Variants in COL19A1 observed in about 807,000 individuals in gnomAD.
The protein encoded by COL19A1 is collagen type XIX alpha 1 chain.
COL19A1 carries 159 observed loss-of-function variants against 190.2 expected under a neutral mutation model. The ratio of observed to expected loss-of-function variants is 0.84; its 90% CI spans 0.73 to 0.95. The LOEUF (loss-of-function observed/expected upper bound fraction) is 0.95, where lower values mean the gene tolerates loss of function less well. Ranked by LOEUF, COL19A1 falls within the 40% of genes least tolerant of loss-of-function variation. The pLI is 0.00. For missense variants in COL19A1, 1,418 were observed against 1,431.9 expected (o/e 0.99, Z 0.16); for synonymous variants, 509 against 458.9 (o/e 1.11, Z -1.39).
At chr6:70,167,817 A>AC (rs1327551107) in intron 37 of COL19A1, among the ~76,000 whole-genome samples, 3 of 152,150 alleles carry the variant, frequency 2.0e-5, no homozygotes, top group African/African-American at 7.2e-5. Context: ...TGTAGCTCAC[A>AC]CTCCCTTTTC....
intron 9 of COL19A1, among the ~76,000 whole-genome samples, chr6:69,952,552 A>C (rs935401372): frequency 2.0e-5 from 3 of 152,110 alleles, no homozygotes; most frequent in African/African-American, 7.2e-5. Flanking sequence ...TAAGAAGTAC[A>C]TCTGATAACA....
intron 43 of COL19A1, 28 bp from the exon 44 acceptor site, chr6:70,180,433 T>G (rs756223173): frequency 6.2e-7 from 1 of 1,614,088 alleles, no homozygotes; most frequent in South Asian, 1.1e-5. Context: ...TGTTGGCAAT[T>G]AATTTGTGTC....
rs982226497 is a variant in COL19A1 at position 70,144,985 on chromosome 6, G to A, written c.1748G>A (p.Gly583Glu). ...PGPKGEAGPP[G>E]KSLPGEPGLD... ...CCAAAAGGTGAGGCTGGTCCTCCAG[G>A]GAAAAGCCTGCCAGGGGAACCAGTA... The change falls in exon 25 of 51, where the codon GGG becomes GAG. Residue 583 changes from glycine (G) to glutamate (E), a missense_variant. Physicochemically the swap from Gly to Glu is moderately conservative, Grantham distance 98. Transcript: ENST00000620364. The A allele has an allele frequency of 1.9e-6, 3 of 1,591,738 alleles. No homozygotes were observed. Among genetic ancestry groups the A allele is most frequent in the Admixed American group, 3.5e-5 (2 of 57,962 alleles).
intron 4 of COL19A1, among the ~76,000 whole-genome samples, chr6:69,913,626 G>A (rs190687044): frequency 6.6e-6 from 1 of 152,274 alleles, no homozygotes; most frequent in East Asian, 1.9e-4. Flanking sequence ...GAGGAATAGT[G>A]AGAAATCCCA....
At chr6:69,975,233 C>T (rs2150059151) in intron 11 of COL19A1, among the ~76,000 whole-genome samples, 1 of 152,248 alleles carries the variant, frequency 6.6e-6, no homozygotes, top group Middle Eastern at 3.4e-3. Context: ...CTAATGGATC[C>T]CTTGTCTTCC....
intron 12 of COL19A1, among the ~76,000 whole-genome samples, chr6:70,033,714 A>G (rs1779195643): frequency 6.6e-6 from 1 of 152,198 alleles, no homozygotes; most frequent in South Asian, 2.1e-4. Context: ...GGAATTAGAG[A>G]ACTAAAATAT....
At chr6:70,033,251 G>A (rs79932594) in intron 12 of COL19A1, among the ~76,000 whole-genome samples, 2,068 of 152,144 alleles carry the variant, frequency 0.014, 55 homozygotes, top group African/African-American at 0.047. Context: ...CATCACTGGT[G>A]TCTATGTTGA....
intron 14 of COL19A1, among the ~76,000 whole-genome samples, chr6:70,054,781 A>G (rs774268206): frequency 2.6e-5 from 4 of 152,198 alleles, no homozygotes; most frequent in Non-Finnish European, 4.4e-5. Flanking sequence ...GACAATGTAA[A>G]TATCAGATGG....
intron 14 of COL19A1, among the ~76,000 whole-genome samples, chr6:70,052,607 CTA>C (rs1780268618): frequency 6.6e-6 from 1 of 152,068 alleles, no homozygotes; most frequent in Non-Finnish European, 1.5e-5. Flanking sequence ...GAATGCTGTC[CTA>C]TTTCACAGCC....
At chr6:69,966,277 A>G (rs927100312) in intron 11 of COL19A1, among the ~76,000 whole-genome samples, 1 of 152,148 alleles carries the variant, frequency 6.6e-6, no homozygotes, top group African/African-American at 2.4e-5. Context: ...GGTGTACCCA[A>G]CAGCTCATTG....
At position 70,059,777 on chromosome 6, in the gene COL19A1, T is replaced by A. The variant is rs374600713; in HGVS notation, c.1171-8646T>A. Reference sequence around the variant, plus strand: ...CCTTGTGAAAATGCTAAATCCAATCTCAAATGTCTCTTTCAGAAAAGTGAT... The same window carrying A: ...CCTTGTGAAAATGCTAAATCCAATCACAAATGTCTCTTTCAGAAAAGTGAT... On this transcript the variant is annotated intron_variant, in intron 14 of 50. Coordinates refer to ENST00000620364, the MANE Select transcript of COL19A1 (RefSeq NM_001858.6). 416 of 527,670 alleles carry A rather than the reference T, an allele frequency of 7.9e-4. 9 individuals carry two copies. Among genetic ancestry groups the A allele is most frequent in the South Asian group, 4.0e-3 (282 of 70,276 alleles). The allele number at this position is 527,670 out of a possible 1,614,324, so 32.7% of individuals were successfully genotyped here. A position where few individuals can be genotyped will look rare whatever the true frequency, so the allele number is the denominator to read the frequency against.
rs571902368 is a variant in COL19A1 at position 70,085,957 on chromosome 6, A to C, written c.1225-16212A>C. Among the ~76,000 whole-genome samples, 4 of 152,324 alleles carry C rather than the reference A, an allele frequency of 2.6e-5. No individual in the cohort carries two copies. The Middle Eastern group carries it at 0.01, about 389-fold the overall frequency. On this transcript the variant is annotated intron_variant, in intron 15 of 50. Coordinates refer to ENST00000620364, the MANE Select transcript of COL19A1 (RefSeq NM_001858.6). The stretch of plus-strand genomic sequence containing the variant: ...GTTATGCTATTGCAACACTCACCAT[A>C]TATTAATAACTGAACTGATATTTGC...
intron 15 of COL19A1, among the ~76,000 whole-genome samples, chr6:70,095,669 A>G (rs1783208206): frequency 6.6e-6 from 1 of 152,200 alleles, no homozygotes; most frequent in Non-Finnish European, 1.5e-5. Flanking sequence ...CTCTATAAAC[A>G]TTAAACAACT....
chr6:69,875,313 A>G (rs1335897076), intron 1 of COL19A1, among the ~76,000 whole-genome samples: 2 of 152,170 alleles, frequency 1.3e-5, no homozygotes, highest in Non-Finnish European at 2.9e-5. Flanking sequence ...TGGGACTTCT[A>G]GGCTGTAGAA....
At position 70,210,736 on chromosome 6, in the gene COL19A1, C is replaced by T. The variant is rs373958412; in HGVS notation, c.*3462C>T. On this transcript the variant is annotated 3_prime_UTR_variant, in exon 51 of 51. Coordinates refer to ENST00000620364, the MANE Select transcript of COL19A1 (RefSeq NM_001858.6). ...GCAAACTAACAGAAATACAAGGCTACGAACAGTTTAGTGGACAACTAAATC... is the reference window on the plus strand; with the variant it reads ...GCAAACTAACAGAAATACAAGGCTATGAACAGTTTAGTGGACAACTAAATC... 3.3e-5 allele frequency among the ~76,000 whole-genome samples: 5 copies of T among 152,092 alleles called. No individual in the cohort carries two copies. The East Asian group carries it at 7.7e-4, about 23-fold the overall frequency.
At chr6:70,079,120 T>C (rs1215381812) in intron 15 of COL19A1, among the ~76,000 whole-genome samples, 1 of 152,118 alleles carries the variant, frequency 6.6e-6, no homozygotes, top group East Asian at 1.9e-4. Flanking sequence ...AGGGCATGAT[T>C]ATAAAAACCA....
intron 15 of COL19A1, among the ~76,000 whole-genome samples, chr6:70,075,631 C>T (rs1781837168): frequency 6.6e-6 from 1 of 152,180 alleles, no homozygotes. Context: ...TTTGTGATCA[C>T]AGGCCATCCC....
intron 34 of COL19A1, among the ~76,000 whole-genome samples, chr6:70,157,011 A>C (rs955989533): frequency 1.3e-5 from 2 of 152,134 alleles, no homozygotes; most frequent in Non-Finnish European, 2.9e-5. Context: ...TCAAAATAAA[A>C]GTAAGGGAAA....
At chr6:70,142,958 T>A in intron 23 of COL19A1, 138 bp downstream of exon 23, 1 of 691,116 alleles carries the variant, frequency 1.4e-6, no homozygotes, top group South Asian at 2.0e-5. Context: ...CAAAAACTGA[T>A]CATACCTAAT....
Sources: gnomAD v4.1 joint callset for allele counts (sites outside exome capture counted in the v4.1 genomes callset) on GRCh38, gnomAD v4.1.1 for gene constraint, MANE v1.5 for transcripts, NCBI Gene and HGNC (gene_info 2026-07-23, HGNC 2026-07-21) for gene names.